SYNPR: variants seen among roughly 807,000 people sequenced by gnomAD.
The protein encoded by SYNPR is synaptoporin.
In SYNPR, 23 loss-of-function variants were observed where a neutral mutation model predicts 32.9. The observed-to-expected ratio is 0.70, with a 90% CI of 0.50 to 0.99. The LOEUF (loss-of-function observed/expected upper bound fraction) is 0.99, where lower values mean the gene tolerates loss of function less well. Among genes scored for constraint, SYNPR ranks in the 50% least tolerant of loss-of-function variants. The pLI, the probability that SYNPR is intolerant of heterozygous loss-of-function variation, is 0.00. For missense variants in SYNPR, 318 were observed against 349.3 expected (o/e 0.91, Z 0.71); for synonymous variants, 146 against 135.9 (o/e 1.07, Z -0.52).
At chr3:63,459,279 A>C (rs1347257109) in intron 2 of SYNPR, among the ~76,000 whole-genome samples, 1 of 151,896 alleles carries the variant, frequency 6.6e-6, no homozygotes, top group Non-Finnish European at 1.5e-5. Context: ...ATCACTCTAT[A>C]ATTGCTTCTA....
chr3:63,503,582 C>G (rs1701525462), intron 3 of SYNPR, among the ~76,000 whole-genome samples: 2 of 152,032 alleles, frequency 1.3e-5, no homozygotes. Flanking sequence ...AAGCTATTTT[C>G]TCCAATTATT....
chr3:63,475,254 C>T (rs570839185), intron 2 of SYNPR, among the ~76,000 whole-genome samples: 97 of 152,126 alleles, frequency 6.4e-4, no homozygotes, highest in African/African-American at 2.2e-3. Context: ...GGAACAGAGC[C>T]GTAGATCATC....
chr3:63,487,117 C>T (rs985917161), intron 3 of SYNPR, among the ~76,000 whole-genome samples: 1 of 152,164 alleles, frequency 6.6e-6, no homozygotes, highest in African/African-American at 2.4e-5. Context: ...GTCATAACCA[C>T]TGCGTCAAAA....
At position 63,415,743 on chromosome 3, in the gene SYNPR, G is replaced by A. The variant is rs1209806521; in HGVS notation, c.85-65089G>A. On this transcript the variant is annotated intron_variant, in intron 2 of 5. Transcript: ENST00000478300. Reference sequence around the variant, plus strand: ...ATAATTAAGTCTGTGTTCTGCAAGCGTCCTTCTAATCAATAAATTATAATT... The same window carrying A: ...ATAATTAAGTCTGTGTTCTGCAAGCATCCTTCTAATCAATAAATTATAATT... Among the ~76,000 whole-genome samples the A allele has an allele frequency of 8.5e-5, 13 of 152,312 alleles. No homozygotes were observed. The East Asian group carries it at 1.4e-3, about 16-fold the overall frequency.
chr3:63,318,918 C>T (rs1034828031), intron 2 of SYNPR, among the ~76,000 whole-genome samples: 8 of 151,970 alleles, frequency 5.3e-5, no homozygotes, highest in African/African-American at 7.2e-5. Flanking sequence ...GGGCTGAAGG[C>T]TGTTGTTCAG....
intron 2 of SYNPR, among the ~76,000 whole-genome samples, chr3:63,279,945 G>A (rs1451409222): frequency 2.0e-5 from 3 of 152,340 alleles, no homozygotes; most frequent in Non-Finnish European, 4.4e-5. Flanking sequence ...TTCCCTTACA[G>A]TCAAGTTAAA....
At chr3:63,298,074 G>C (rs1356336254) in intron 2 of SYNPR, among the ~76,000 whole-genome samples, 1 of 152,090 alleles carries the variant, frequency 6.6e-6, no homozygotes, top group Non-Finnish European at 1.5e-5. Flanking sequence ...CTATATTTTA[G>C]CAGAATTCAG....
At chr3:63,466,031 T>C (rs1700671387) in intron 2 of SYNPR, among the ~76,000 whole-genome samples, 1 of 152,188 alleles carries the variant, frequency 6.6e-6, no homozygotes, top group Non-Finnish European at 1.5e-5. Flanking sequence ...TACCCATTAG[T>C]TACTTTTCCT....
intron 2 of SYNPR, among the ~76,000 whole-genome samples, chr3:63,392,034 A>G (rs900467953): frequency 6.6e-6 from 1 of 152,232 alleles, no homozygotes; most frequent in African/African-American, 2.4e-5. Context: ...GAGCTTGTAT[A>G]TAAGTAATCT....
intron 1 of SYNPR, among the ~76,000 whole-genome samples, chr3:63,251,320 G>A (rs1000615168): frequency 5.4e-5 from 8 of 149,074 alleles, no homozygotes; most frequent in Non-Finnish European, 1.0e-4. Flanking sequence ...AATAATCCTG[G>A]TATCAAAAAA....
intron 2 of SYNPR, among the ~76,000 whole-genome samples, chr3:63,464,330 A>C (rs550155249): frequency 5.9e-5 from 9 of 152,198 alleles, no homozygotes; most frequent in Non-Finnish European, 1.2e-4. Context: ...GCAGAGATGA[A>C]CAAAGGATGG....
intron 4 of SYNPR, among the ~76,000 whole-genome samples, chr3:63,585,256 C>T (rs973836075): frequency 1.3e-5 from 2 of 152,108 alleles, no homozygotes; most frequent in African/African-American, 4.8e-5. Flanking sequence ...GATTCAATTA[C>T]TATTTATGCC....
intron 2 of SYNPR, among the ~76,000 whole-genome samples, chr3:63,447,935 G>A (rs1303031847): frequency 6.6e-6 from 1 of 152,166 alleles, no homozygotes; most frequent in South Asian, 2.1e-4. Context: ...AGTAAATGAT[G>A]TGTTGGGCAT....
chr3:63,262,127 A>G (rs2086443606), intron 2 of SYNPR, among the ~76,000 whole-genome samples: 1 of 152,064 alleles, frequency 6.6e-6, no homozygotes, highest in Non-Finnish European at 1.5e-5. Context: ...ACCATTTTAC[A>G]AGGATGGTTA....
At chr3:63,376,278 C>T (rs1231659839) in intron 2 of SYNPR, among the ~76,000 whole-genome samples, 1 of 152,194 alleles carries the variant, frequency 6.6e-6, no homozygotes, top group Admixed American at 6.5e-5. Flanking sequence ...TACACATATG[C>T]AAGAATGATC....
chr3:63,433,886 T>A (rs1700034997), intron 2 of SYNPR, among the ~76,000 whole-genome samples: 1 of 152,198 alleles, frequency 6.6e-6, no homozygotes, highest in African/African-American at 2.4e-5. Context: ...AAATATTTTA[T>A]AAGCACTCCA....
chr3:63,390,972 T>C (rs1011807229), intron 2 of SYNPR, among the ~76,000 whole-genome samples: 6 of 152,206 alleles, frequency 3.9e-5, no homozygotes, highest in African/African-American at 1.4e-4. Context: ...GGATACCCAA[T>C]GCCAAGAATA....
At chr3:63,371,299 A>G (rs1264296453) in intron 2 of SYNPR, among the ~76,000 whole-genome samples, 2 of 151,828 alleles carry the variant, frequency 1.3e-5, no homozygotes, top group Non-Finnish European at 2.9e-5. Flanking sequence ...GAAGTCACTC[A>G]TGCACACATG....
chr3:63,263,345 C>A (rs920341369), intron 2 of SYNPR, among the ~76,000 whole-genome samples: 2 of 152,156 alleles, frequency 1.3e-5, no homozygotes, highest in African/African-American at 4.8e-5. Flanking sequence ...GTGTAATATC[C>A]TTTTCATGGT....
Sources: allele counts gnomAD v4.1 joint callset (sites outside exome capture counted in the v4.1 genomes callset), GRCh38; gene constraint gnomAD v4.1.1; transcripts MANE v1.5; gene names NCBI Gene and HGNC (gene_info 2026-07-23, HGNC 2026-07-21).